The following TAP1 variants were observed in gnomAD, a reference collection of about 807,000 sequenced individuals.
TAP1 encodes the protein antigen peptide transporter 1.
A neutral mutation model predicts 79.3 loss-of-function variants in TAP1; 56 were observed. The ratio of observed to expected loss-of-function variants is 0.71; its 90% CI spans 0.57 to 0.88. TAP1 has a LOEUF of 0.88. TAP1 is among the 40% of genes least tolerant of loss of function. The pLI, the probability that TAP1 is intolerant of heterozygous loss-of-function variation, is 0.00. For synonymous variants in TAP1, 355 were observed against 401.4 expected, an observed-to-expected ratio of 0.88 and a Z score of 1.38; for missense variants, 737 against 936.3, an observed-to-expected ratio of 0.79 and a Z score of 2.78.
rs1157010546 is a variant in TAP1, at chr6:32,851,911, G to A, written c.844+198C>T. On this transcript the variant is annotated intron_variant, in intron 3 of 10. Transcript: ENST00000354258. The surrounding 1 kb of genome is among the most constrained non-coding windows in gnomAD (Gnocchi z 4.8). ...TATCAAGAATGAGAAAAACAATTGT[G>A]TGTGTGTGTGTGTGAGAGAGAGAGA... is the stretch of plus-strand genomic sequence containing the variant. 8.1e-6 allele frequency among the ~76,000 whole-genome samples: 1 copy of A among 123,032 alleles called. No homozygotes were observed. The highest frequency in any genetic ancestry group is 8.2e-5 in the Admixed American group (1 of 12,166). The allele number at this position is 123,032 out of a possible 152,430, so 80.7% of individuals were successfully genotyped here.
Position 32,847,617 on chromosome 6 carries a change from G to C in TAP1, c.1799C>G (p.Ala600Gly). 1 of 1,614,018 alleles carries C rather than the reference G, an allele frequency of 6.2e-7. No individual in the cohort carries two copies. The highest frequency in any genetic ancestry group is 8.5e-7 in the Non-Finnish European group (1 of 1,180,008). Residue 600 changes from alanine to glycine, a missense_variant, in exon 9 of 11, where the codon GCC becomes GGC. Transcript: ENST00000354258. The surrounding 1 kb of genome is among the most constrained non-coding windows in gnomAD (Gnocchi z 4.7). ...AGTTGGCTTCTGGGTCAGGCCATAG[G>C]CAATATTTTCTTGAAGACTTCTTCC... ...VFGRSLQENI[A>G]YGLTQKPTME...
chr6:32,847,525 C>T lies in TAP1; in HGVS notation c.1891G>A (p.Gly631Ser), dbSNP rs763346175. 3.1e-6 allele frequency: 5 copies of T among 1,613,596 alleles called. No homozygotes were observed. The highest frequency in any genetic ancestry group is 4.2e-6 in the Non-Finnish European group (5 of 1,180,008). Residue 631 changes from glycine (G) to serine (S), a missense_variant, in exon 9 of 11, where the codon GGC becomes AGC. By Grantham distance (56) the Gly-to-Ser change is moderately conservative. This residue lies in a region of TAP1 where 266 missense variants were observed against 332.4 expected (regional missense o/e 0.80). Transcript: ENST00000354258. This position sits in a 1 kb window ranked among gnomAD's most constrained non-coding sequence, Gnocchi z 4.7. ...GTGGAGAGAGTACCTGTGTCATAGC[C>T]CTGAGGGAGTCCAGAGATGAAACTA... is the stretch of plus-strand genomic sequence containing the variant. ...AHSFISGLPQ[G>S]YDTEVDEAGS...
chr6:32,845,935 C>G lies in TAP1; in HGVS notation c.2041-150G>C. 1 of 686,902 alleles carries G rather than the reference C, an allele frequency of 1.5e-6. No homozygotes were observed. The highest frequency in any genetic ancestry group is 2.6e-6 in the Non-Finnish European group (1 of 379,854). The allele number at this position is 686,902 out of a possible 1,614,324, so 42.6% of individuals were successfully genotyped here. A position where few individuals can be genotyped will look rare whatever the true frequency, so the allele number is the denominator to read the frequency against. ...CCAACGTTTCCCATTCTGAGTACTT[C>G]TCCGCAAACCCTTTGTTTCATTAAG... is the stretch of plus-strand genomic sequence containing the variant. On this transcript the variant is annotated intron_variant, in intron 10 of 10. Coordinates refer to ENST00000354258, the MANE Select transcript of TAP1 (RefSeq NM_000593.6). The surrounding 1 kb of genome is among the most constrained non-coding windows in gnomAD (Gnocchi z 4.5).
In TAP1 at chr6:32,852,325, C is replaced by A; in HGVS notation, c.713+63G>T. On this transcript the variant is annotated intron_variant, in intron 2 of 10. Transcript: ENST00000354258. This position sits in a 1 kb window ranked among gnomAD's most constrained non-coding sequence, Gnocchi z 4.8. ...CAGGTATCCCCATATAAGTGCATTT[C>A]GGACAGCAGCCCCAACTTCCAACTC... The A allele has an allele frequency of 6.2e-7, 1 of 1,612,626 alleles. No homozygotes were observed. The highest frequency in any genetic ancestry group is 8.5e-7 in the Non-Finnish European group (1 of 1,179,842).
Position 32,847,473 on chromosome 6 carries a change from G to A in TAP1, c.1903+40C>T. ...GCAAGACTACTGGGGTTTCAGCAAA[G>A]GTAAAGATGGCTGGGTGGTGAGATG... On this transcript the variant is annotated intron_variant, in intron 9 of 10. Coordinates refer to ENST00000354258, the MANE Select transcript of TAP1 (RefSeq NM_000593.6). This position sits in a 1 kb window ranked among gnomAD's most constrained non-coding sequence, Gnocchi z 4.7. 6.2e-7 allele frequency: 1 copy of A among 1,612,618 alleles called. No homozygotes were observed. Among genetic ancestry groups the A allele is most frequent in the Non-Finnish European group, 8.5e-7 (1 of 1,179,898 alleles).
Position 32,848,039 on chromosome 6 carries a change from A to C in TAP1, c.1620T>G (p.Asn540Lys), listed in dbSNP as rs1770549279. Residue 540 changes from asparagine to lysine, a missense_variant, in exon 8 of 11, where the codon AAT (asparagine) becomes AAG (lysine). Around this residue, in one of 5 missense-constraint regions of TAP1, gnomAD observed 266 missense variants for 332.4 expected, o/e 0.80. Coordinates refer to ENST00000354258, the MANE Select transcript of TAP1 (RefSeq NM_000593.6). ...PGEVTALVGP[N>K]GSGKSTVAAL... is the part of the protein sequence containing the mutation. The stretch of plus-strand genomic sequence containing the variant: ...CAGCCACTGTGCTCTTCCCAGACCC[A>C]TTGGGTCCCACCAGCGCCGTCACCT... The C allele has an allele frequency of 1.2e-6, 2 of 1,613,066 alleles. No homozygotes were observed. Among genetic ancestry groups the C allele is most frequent in the East Asian group, 4.5e-5 (2 of 44,886 alleles).
In TAP1 at chr6:32,847,602, T is replaced by C. The variant is rs753633999; in HGVS notation, c.1814A>G (p.Gln605Arg). 2.5e-6 allele frequency: 4 copies of C among 1,614,128 alleles called. No individual in the cohort carries two copies. The highest frequency in any genetic ancestry group is 2.2e-5 in the East Asian group (1 of 44,886). ...TGTGATTTCCTCCATAGTTGGCTTC[T>C]GGGTCAGGCCATAGGCAATATTTTC... Reference protein sequence around the residue: ...LQENIAYGLTQKPTMEEITAA... With the variant: ...LQENIAYGLTRKPTMEEITAA... Residue 605 changes from glutamine (Q) to arginine (R), a missense_variant, in exon 9 of 11, where the codon CAG becomes CGG. By Grantham distance (43) the Gln-to-Arg change is conservative (BLOSUM62 1). This residue lies in a region of TAP1 where 266 missense variants were observed against 332.4 expected (regional missense o/e 0.80). Coordinates refer to ENST00000354258, the MANE Select transcript of TAP1 (RefSeq NM_000593.6). This position sits in a 1 kb window ranked among gnomAD's most constrained non-coding sequence, Gnocchi z 4.7.
chr6:32,845,606 C>T lies in TAP1; in HGVS notation c.2220G>A (p.Val740=), dbSNP rs1770316394. 6.2e-7 allele frequency: 1 copy of T among 1,613,082 alleles called. No individual in the cohort carries two copies. Among genetic ancestry groups the T allele is most frequent in the East Asian group, 2.2e-5 (1 of 44,880 alleles). Residue 740 remains valine (V), a synonymous_variant, in exon 11 of 11, where the codon GTG becomes GTA. Coordinates refer to ENST00000354258, the MANE Select transcript of TAP1 (RefSeq NM_000593.6). The surrounding 1 kb of genome is among the most constrained non-coding windows in gnomAD (Gnocchi z 4.5). The part of the protein sequence containing the change: ...MEKKGCYWAM[V]QAPADAPE Reference sequence around the variant, plus strand: ...ATTCTGGAGCATCTGCAGGAGCCTGCACCATGGCCCAGTAGCACCCCTTTT... The same window carrying T: ...ATTCTGGAGCATCTGCAGGAGCCTGTACCATGGCCCAGTAGCACCCCTTTT...
chr6:32,846,927 G>A, intron 10 of TAP1, 141 bp downstream of exon 10: 2 of 1,213,230 alleles, frequency 1.6e-6, no homozygotes, highest in African/African-American at 3.0e-5. Context: ...TCCTTGGGGA[G>A]GCATCCAATG....
intron 7 of TAP1, 144 bp downstream of exon 7, chr6:32,848,508 A>G: frequency 3.0e-6 from 3 of 987,286 alleles, no homozygotes; most frequent in Non-Finnish European, 4.8e-6. Context: ...GGGAAGATTT[A>G]TGGAACAGAT....
Position 32,847,997 on chromosome 6 carries a change from C to G in TAP1, c.1662G>C (p.Leu554=). Residue 554 remains leucine (L), a synonymous_variant, in exon 8 of 11, where the codon CTG becomes CTC. Transcript: ENST00000354258. The surrounding 1 kb of genome is among the most constrained non-coding windows in gnomAD (Gnocchi z 4.7). ...KSTVAALLQN[L]YQPTGGQLLL... is the part of the protein sequence containing the mutation. ...GCAGCTGTCCCCCGGTGGGCTGGTACAGATTCTGCAGCAGGGCAGCCACTG... is the reference window on the plus strand; with the variant it reads ...GCAGCTGTCCCCCGGTGGGCTGGTAGAGATTCTGCAGCAGGGCAGCCACTG... 1 of 1,613,124 alleles carries G rather than the reference C, an allele frequency of 6.2e-7. No individual in the cohort carries two copies. The highest frequency in any genetic ancestry group is 8.5e-7 in the Non-Finnish European group (1 of 1,180,030).
chr6:32,853,052 G>A lies in TAP1; in HGVS notation c.585C>T (p.Val195=), dbSNP rs1770891881. Residue 195 remains valine (V), a synonymous_variant, in exon 1 of 11, where the codon GTC becomes GTT. Transcript: ENST00000354258. The surrounding 1 kb of genome is among the most constrained non-coding windows in gnomAD (Gnocchi z 8.3). ...RRLSLFLVLV[V]LSSLGEMAIP... is the part of the protein sequence containing the mutation. Reference sequence around the variant, plus strand: ...CGTTCCCCTTACCAAGAGAGGAGAGGACCACCAGGACCAGGAACAGCGAGA... The same window carrying A: ...CGTTCCCCTTACCAAGAGAGGAGAGAACCACCAGGACCAGGAACAGCGAGA... 6.2e-7 allele frequency: 1 copy of A among 1,612,352 alleles called. No homozygotes were observed. Among genetic ancestry groups the A allele is most frequent in the Non-Finnish European group, 8.5e-7 (1 of 1,180,012 alleles).
chr6:32,852,609 G>T lies in TAP1; in HGVS notation c.599-107C>A. On this transcript the variant is annotated intron_variant, in intron 1 of 10. Coordinates refer to ENST00000354258, the MANE Select transcript of TAP1 (RefSeq NM_000593.6). This position sits in a 1 kb window ranked among gnomAD's most constrained non-coding sequence, Gnocchi z 4.8. Reference sequence around the variant, plus strand: ...CTCCCCCTCACCATTATCCTGGAGGGCATCAGCAGAAAGGAAACACTGACG... The same window carrying T: ...CTCCCCCTCACCATTATCCTGGAGGTCATCAGCAGAAAGGAAACACTGACG... 3.9e-6 allele frequency: 6 copies of T among 1,557,630 alleles called. No individual in the cohort carries two copies. In the South Asian group the frequency reaches 7.0e-5, roughly 18 times the overall value.
chr6:32,852,197 G>A lies in TAP1; in HGVS notation c.756C>T (p.Thr252=). ...GCAAGTGGCTGTGCACGTGGCCCAT[G>A]GTGTTGTTATAGATCCCGTCACCCA... is the stretch of plus-strand genomic sequence containing the variant. ...EFVGDGIYNN[T]MGHVHSHLQG... is the part of the protein sequence containing the mutation. The change falls in exon 3 of 11, where the codon ACC becomes ACT. Residue 252 remains threonine (T), a synonymous_variant. Transcript: ENST00000354258. This position sits in a 1 kb window ranked among gnomAD's most constrained non-coding sequence, Gnocchi z 4.8. The A allele has an allele frequency of 1.9e-6, 3 of 1,612,984 alleles. No individual in the cohort carries two copies. The South Asian group carries it at 3.3e-5, about 18-fold the overall frequency.
In TAP1 at chr6:32,850,190, G is replaced by T; in HGVS notation, c.1248+130C>A. ...ACTGAGTAGAGTCATTGAGCCTCAG[G>T]TTGCTAGGACGAAAATACTGAACCA... On this transcript the variant is annotated intron_variant, in intron 5 of 10. Transcript: ENST00000354258. The surrounding 1 kb of genome is among the most constrained non-coding windows in gnomAD (Gnocchi z 5.5). The T allele has an allele frequency of 1.0e-6, 1 of 959,512 alleles. No homozygotes were observed. The highest frequency in any genetic ancestry group is 1.6e-6 in the Non-Finnish European group (1 of 606,868). The allele number at this position is 959,512 out of a possible 1,614,324, so 59.4% of individuals were successfully genotyped here.
chr6:32,852,100 A>G lies in TAP1; in HGVS notation c.844+9T>C, dbSNP rs368474024. 1.2e-6 allele frequency: 2 copies of G among 1,613,014 alleles called. No individual in the cohort carries two copies. The highest frequency in any genetic ancestry group is 1.7e-6 in the Non-Finnish European group (2 of 1,180,018). On this transcript the variant is annotated intron_variant, in intron 3 of 10. Transcript: ENST00000354258. The surrounding 1 kb of genome is among the most constrained non-coding windows in gnomAD (Gnocchi z 4.8). Reference sequence around the variant, plus strand: ...ACATGGCGTATAATGAAAGAGTTTCAGGAGAAACCTGTCTGGTTCTGTTGG... The same window carrying G: ...ACATGGCGTATAATGAAAGAGTTTCGGGAGAAACCTGTCTGGTTCTGTTGG...
chr6:32,851,408 TC>T lies in TAP1; in HGVS notation c.845-260del. ...TGAATTTCCATTTTCCTGAAAGCTT[TC>T]TGTTCCCTAGAGAACCTGTATGTCC... On this transcript the variant is annotated intron_variant, in intron 3 of 10. Transcript: ENST00000354258. The surrounding 1 kb of genome is among the most constrained non-coding windows in gnomAD (Gnocchi z 4.8). 6.6e-6 allele frequency among the ~76,000 whole-genome samples: 1 copy of T among 152,322 alleles called. No homozygotes were observed. The highest frequency in any genetic ancestry group is 2.4e-5 in the African/African-American group (1 of 41,562).
Position 32,847,857 on chromosome 6 carries a change from C to T in TAP1, c.1740+62G>A, listed in dbSNP as rs1217784198. The T allele has an allele frequency of 1.9e-6, 3 of 1,610,090 alleles. No homozygotes were observed. Among genetic ancestry groups the T allele is most frequent in the Non-Finnish European group, 2.5e-6 (3 of 1,177,444 alleles). On this transcript the variant is annotated intron_variant, in intron 8 of 10. Coordinates refer to ENST00000354258, the MANE Select transcript of TAP1 (RefSeq NM_000593.6). The surrounding 1 kb of genome is among the most constrained non-coding windows in gnomAD (Gnocchi z 4.7). ...TCCCTAACCCCTCTTTCAGAGTGCT[C>T]AGTAAGAATGCTCTTCGTATTTGAT... is the stretch of plus-strand genomic sequence containing the variant.
rs770322755 is a variant in TAP1 at position 32,845,624 on chromosome 6, C to T, written c.2202G>A (p.Gly734=). The T allele has an allele frequency of 2.5e-6, 4 of 1,613,108 alleles. No individual in the cohort carries two copies. The highest frequency in any genetic ancestry group is 1.1e-5 in the South Asian group (1 of 91,072). The part of the protein sequence containing the change: ...GTHQQLMEKK[G]CYWAMVQAPA... ...GAGCCTGCACCATGGCCCAGTAGCA[C>T]CCCTTTTTCTCCATGAGCTGCTGGT... The change falls in exon 11 of 11, where the codon GGG becomes GGA. Residue 734 remains glycine, a synonymous_variant. Coordinates refer to ENST00000354258, the MANE Select transcript of TAP1 (RefSeq NM_000593.6). This position sits in a 1 kb window ranked among gnomAD's most constrained non-coding sequence, Gnocchi z 4.5.
Sources: allele counts gnomAD v4.1 joint callset (sites outside exome capture counted in the v4.1 genomes callset), GRCh38; gene constraint gnomAD v4.1.1; regional missense constraint gnomAD v4.1.1; non-coding constraint Gnocchi (gnomAD v3.1); transcripts MANE v1.5; gene names NCBI Gene and HGNC (gene_info 2026-07-23, HGNC 2026-07-21).